PAX6: variants seen among roughly 807,000 people sequenced by gnomAD.
The protein encoded by PAX6 is paired box 6.
In PAX6, 7 loss-of-function variants were observed where a neutral mutation model predicts 60.7. The observed-to-expected ratio is 0.12, with a 90% CI of 0.07 to 0.22. PAX6 has a LOEUF of 0.22. Ranked by LOEUF, PAX6 falls within the 10% of genes least tolerant of loss-of-function variation. The probability of loss-of-function intolerance (pLI) is 1.00; values close to 1 mark genes in which losing one functional copy is unlikely to be tolerated. For synonymous variants in PAX6, 208 were observed against 201.2 expected (o/e 1.03, Z -0.29); for missense variants, 355 against 555.2 (o/e 0.64, Z 3.62).
At chr11:31,812,374 C>T (rs1471787278), upstream of PAX6, 3 of 151,858 alleles carry the variant, frequency 2.0e-5, no homozygotes, top group Non-Finnish European at 4.3e-5. Context: ...CAGCGTGTGT[C>T]GTGTGTGCCA....
chr11:31,812,302 CTGTGTGTGTGTG>C (rs61627052), upstream of PAX6: 2 of 86,194 alleles, frequency 2.3e-5, no homozygotes, highest in African/African-American at 1.0e-4. Context: ...CTCTCTCTCT[CTGTGTGTGTGTG>C]TGTGTGTGTG....
intron 5 of PAX6, chr11:31,802,131 TG>T: frequency 1.8e-6 from 1 of 567,698 alleles, no homozygotes; most frequent in Non-Finnish European, 3.1e-6. Flanking sequence ...ATTTTTGTGC[TG>T]ACCTTGCTTA....
chr11:31,801,028 C>A, intron 7 of PAX6, 172 bp from the exon 8 acceptor site: 1 of 799,912 alleles, frequency 1.3e-6, no homozygotes, highest in South Asian at 1.5e-5. Flanking sequence ...TGATAGCTAT[C>A]ACTTTGGGCA....
chr11:31,810,466 T>A (rs1399877572), intron 2 of PAX6: 2 of 167,648 alleles, frequency 1.2e-5, no homozygotes, highest in Non-Finnish European at 2.5e-5. Context: ...CTTCGTCTTT[T>A]CCCGCGGGTC....
At position 31,802,770 on chromosome 11, in the gene PAX6, G is replaced by T; in HGVS notation, c.75C>A (p.Thr25=). ...GAGCTAGCTCTACAATCTTCTGCCG[G>T]GTGGAGTCCGGCAGTGGCCGCCCGT... ...FVNGRPLPDS[T]RQKIVELAHS... is the part of the protein sequence containing the mutation. Residue 25 remains threonine, a synonymous_variant, in exon 5 of 14, where the codon ACC becomes ACA. Transcript: ENST00000640368. 1 of 1,614,104 alleles carries T rather than the reference G, an allele frequency of 6.2e-7. No homozygotes were observed. The highest frequency in any genetic ancestry group is 2.2e-5 in the East Asian group (1 of 44,874).
At position 31,790,000 on chromosome 11, in the gene PAX6, C is replaced by T; in HGVS notation, c.1245G>A (p.Val415=). ...TTSTGLISPG[V]SVPVQVPGSE... ...TTCCGGGAACTTGAACTGGAACTGA[C>T]ACACCAGGGGAAATGAGTCCTAGAA... The change falls in exon 14 of 14, where the codon GTG becomes GTA. Residue 415 remains valine (V), a synonymous_variant. Coordinates refer to ENST00000640368, the MANE Select transcript of PAX6 (RefSeq NM_001368894.2). 1 of 1,584,184 alleles carries T rather than the reference C, an allele frequency of 6.3e-7. No individual in the cohort carries two copies. The highest frequency in any genetic ancestry group is 2.3e-5 in the East Asian group (1 of 43,886).
chr11:31,793,182 A>C (rs1950420183), intron 12 of PAX6: 1 of 654,438 alleles, frequency 1.5e-6, no homozygotes, highest in South Asian at 1.7e-5. Context: ...TTATCAAGGT[A>C]ACAGTATAAT....
Position 31,789,938 on chromosome 11 carries a change from T to TTA in PAX6, c.1306_1307insTA (p.Gln436LeufsTer104). 2 of 1,439,006 alleles carry TTA rather than the reference T, an allele frequency of 1.4e-6. No individual in the cohort carries two copies. The highest frequency in any genetic ancestry group is 1.5e-5 in the African/African-American group (1 of 65,006). 89.1% of individuals were successfully genotyped at this position (1,439,006 alleles called of 1,614,324 possible). ...TTTTTTTTTTTTTTTTTTTTTTTAC[T>TTA]GTAATCTTGGCCAGTATTGAGACAT... is the stretch of plus-strand genomic sequence containing the variant. On this transcript the variant is annotated frameshift_variant, in exon 14 of 14. Transcript: ENST00000640368. LOFTEE classifies it high-confidence loss of function.
chr11:31,797,312 C>A (rs1312441629), intron 8 of PAX6, among the ~76,000 whole-genome samples: 1 of 152,122 alleles, frequency 6.6e-6, no homozygotes, highest in Non-Finnish European at 1.5e-5. Flanking sequence ...ATGCTCTGCT[C>A]TCATTTGCCT....
At chr11:31,809,449 G>A (rs1489288900) in intron 2 of PAX6, 2 of 152,122 alleles carry the variant, frequency 1.3e-5, no homozygotes, top group Admixed American at 6.5e-5. Flanking sequence ...AAGAAACCAC[G>A]TTCACTTTGT....
chr11:31,803,114 C>A, intron 4 of PAX6: 1 of 486,868 alleles, frequency 2.1e-6, no homozygotes, highest in Non-Finnish European at 3.8e-6. Context: ...CCAGTCCAAG[C>A]AACCGTGCCC....
intron 4 of PAX6, 59 bp from the exon 5 acceptor site, chr11:31,802,893 G>A: frequency 6.6e-7 from 1 of 1,520,452 alleles, no homozygotes; most frequent in Non-Finnish European, 9.1e-7. Context: ...GAGTGAAGAG[G>A]AAGAAGAGGG....
chr11:31,798,182 G>C (rs1321862493), intron 8 of PAX6, among the ~76,000 whole-genome samples: 1 of 150,704 alleles, frequency 6.6e-6, no homozygotes, highest in African/African-American at 2.4e-5. Context: ...AAATCCTATA[G>C]AGGGCTTGGG....
chr11:31,799,807 C>A (rs562596440), intron 8 of PAX6, among the ~76,000 whole-genome samples: 1 of 152,270 alleles, frequency 6.6e-6, no homozygotes, highest in African/African-American at 2.4e-5. Flanking sequence ...TGAGACGCCA[C>A]GTCCCATTAT....
intron 4 of PAX6, chr11:31,804,674 C>G (rs1955214827): frequency 6.6e-6 from 1 of 152,338 alleles, no homozygotes; most frequent in African/African-American, 2.4e-5. Context: ...AGCCCCACCT[C>G]TAGGCACAGG....
At chr11:31,797,787 C>G (rs592859) in intron 8 of PAX6, among the ~76,000 whole-genome samples, 126,886 of 152,120 alleles carry the variant, frequency 0.83, 53,039 homozygotes, top group Middle Eastern at 0.87. Flanking sequence ...CCCACCCCCA[C>G]GATAAACCTA....
chr11:31,803,013 T>C, intron 4 of PAX6, 179 bp from the exon 5 acceptor site: 1 of 669,396 alleles, frequency 1.5e-6, no homozygotes, highest in Admixed American at 2.2e-5. Context: ...CTCATCCCCC[T>C]GCCAACCTGT....
chr11:31,797,147 G>T (rs1276734047), intron 8 of PAX6, among the ~76,000 whole-genome samples: 1 of 144,262 alleles, frequency 6.9e-6, no homozygotes, highest in Non-Finnish European at 1.5e-5. Flanking sequence ...GGTATGGGGT[G>T]GGGGACACTG....
chr11:31,800,724 G>T lies in PAX6; in HGVS notation c.532C>A (p.Pro178Thr). The T allele has an allele frequency of 6.2e-7, 1 of 1,614,218 alleles. No individual in the cohort carries two copies. Among genetic ancestry groups the T allele is most frequent in the Non-Finnish European group, 8.5e-7 (1 of 1,180,040 alleles). Residue 178 changes from proline (P) to threonine (T), a missense_variant, in exon 8 of 14, where the codon CCG becomes ACG. By Grantham distance (38) the Pro-to-Thr change is conservative (BLOSUM62 -1). Transcript: ENST00000640368. ...GGTTGCCCTGGCACCGAAGTCCCCGGATACCAACCAGGGCGGGTGCCCCAG... is the reference window on the plus strand; with the variant it reads ...GGTTGCCCTGGCACCGAAGTCCCCGTATACCAACCAGGGCGGGTGCCCCAG... Reference protein sequence around the residue: ...GSWGTRPGWYPGTSVPGQPTQ... With the variant: ...GSWGTRPGWYTGTSVPGQPTQ...
Sources: allele counts gnomAD v4.1 joint callset (sites outside exome capture counted in the v4.1 genomes callset), GRCh38; gene constraint gnomAD v4.1.1; transcripts MANE v1.5; gene names NCBI Gene and HGNC (gene_info 2026-07-23, HGNC 2026-07-21).